The following IFT74 variants were observed in gnomAD, a reference collection of about 807,000 sequenced individuals.
IFT74 encodes the protein intraflagellar transport 74.
IFT74 carries 92 observed loss-of-function variants against 96.7 expected under a neutral mutation model. The observed-to-expected ratio is 0.95, with a 90% CI of 0.80 to 1.13. IFT74 has a LOEUF of 1.13. IFT74 is among the 50% of genes most tolerant of loss of function. The pLI is 0.00. For missense variants in IFT74, 811 were observed against 698.2 expected (o/e 1.16, Z -1.82); for synonymous variants, 223 against 213.2 (o/e 1.05, Z -0.40).
At chr9:27,048,333 T>C (rs1819782592) in intron 16 of IFT74, 59 bp downstream of exon 16, 4 of 1,177,136 alleles carry the variant, frequency 3.4e-6, no homozygotes, top group Non-Finnish European at 4.7e-6. Context: ...AATGTTATTC[T>C]CTGATTATTT....
intron 8 of IFT74, among the ~76,000 whole-genome samples, chr9:26,991,545 A>G (rs1172716592): frequency 6.6e-6 from 1 of 152,142 alleles, no homozygotes; most frequent in Non-Finnish European, 1.5e-5. Context: ...CTGCTGCTGT[A>G]AAGTGGTATC....
intron 16 of IFT74, among the ~76,000 whole-genome samples, chr9:27,053,928 T>G (rs951625157): frequency 2.0e-5 from 3 of 152,220 alleles, no homozygotes; most frequent in Non-Finnish European, 2.9e-5. Context: ...GAGATAAGAA[T>G]CCAACAAAAC....
intron 12 of IFT74, among the ~76,000 whole-genome samples, chr9:27,021,134 T>TATATATATGTATGTATATGTATAA (rs1186042692): frequency 6.6e-6 from 1 of 152,082 alleles, no homozygotes; most frequent in African/African-American, 2.4e-5. Flanking sequence ...AGAATAAACA[T>TATATATATGTATGTATATGTATAA]ATATATATGT....
chr9:27,015,834 A>G (rs1055660635), intron 10 of IFT74, among the ~76,000 whole-genome samples: 1 of 152,224 alleles, frequency 6.6e-6, no homozygotes, highest in Non-Finnish European at 1.5e-5. Flanking sequence ...TGGATAGTAG[A>G]GATAGCATAT....
At position 27,005,361 on chromosome 9, in the gene IFT74, GCC is replaced by G. The variant is rs916556296; in HGVS notation, c.588-3654_588-3653del. 2.2e-3 allele frequency among the ~76,000 whole-genome samples: 55 copies of G among 25,292 alleles called. 8 individuals are homozygous for G. The highest frequency in any genetic ancestry group is 7.5e-3 in the African/African-American group (55 of 7,366). The allele number at this position is 25,292 out of a possible 152,430, so 16.6% of individuals were successfully genotyped here. A position where few individuals can be genotyped will look rare whatever the true frequency, so the allele number is the denominator to read the frequency against. On this transcript the variant is annotated intron_variant, in intron 8 of 19. Coordinates refer to ENST00000380062, the MANE Select transcript of IFT74 (RefSeq NM_025103.4). ...GCTAGATGAAACCATTTCCCCCCCC[GCC>G]CCCCGCAAAACAATTACTTAGTATT...
chr9:27,036,928 G>C (rs1024378115), intron 13 of IFT74: 1 of 691,068 alleles, frequency 1.4e-6, no homozygotes. Flanking sequence ...TAAAATGCTT[G>C]CAGAGACTGG....
chr9:27,007,214 A>G (rs1003525164), intron 8 of IFT74, among the ~76,000 whole-genome samples: 2 of 152,154 alleles, frequency 1.3e-5, no homozygotes, highest in Admixed American at 6.5e-5. Flanking sequence ...TCAAAGCATC[A>G]AAAAGACCTT....
intron 8 of IFT74, among the ~76,000 whole-genome samples, chr9:27,005,109 C>T (rs1828699472): frequency 6.6e-6 from 1 of 151,850 alleles, no homozygotes; most frequent in African/African-American, 2.4e-5. Flanking sequence ...AACTTTGTTT[C>T]CTTATTTAAC....
At chr9:26,995,505 C>T in intron 8 of IFT74, 3 of 1,470,384 alleles carry the variant, frequency 2.0e-6, no homozygotes, top group Non-Finnish European at 1.8e-6. Context: ...CTTTAAAAAG[C>T]AAACTTTGAA....
At chr9:27,041,106 C>T (rs1340024272) in intron 13 of IFT74, among the ~76,000 whole-genome samples, 3 of 152,128 alleles carry the variant, frequency 2.0e-5, no homozygotes, top group Admixed American at 1.3e-4. Context: ...TTTCTTCTTT[C>T]CTACTTGAGG....
intron 3 of IFT74, 65 bp downstream of exon 3, chr9:26,978,328 C>A: frequency 2.0e-6 from 3 of 1,519,740 alleles, no homozygotes; most frequent in Admixed American, 4.5e-5. Context: ...TAACTGTGAA[C>A]AATTTAAAAA....
chr9:27,050,496 A>G (rs192563249), intron 16 of IFT74, among the ~76,000 whole-genome samples: 16 of 152,210 alleles, frequency 1.1e-4, no homozygotes, highest in Non-Finnish European at 1.5e-4. Context: ...AAAAATTTGT[A>G]TGGGATCTTT....
At position 27,060,524 on chromosome 9, in the gene IFT74, C is replaced by T. The variant is rs900453323; in HGVS notation, c.1624-67C>T. 3.0e-5 allele frequency: 31 copies of T among 1,018,808 alleles called. No individual in the cohort carries two copies. The East Asian group carries it at 3.1e-4, about 10-fold the overall frequency. The allele number at this position is 1,018,808 out of a possible 1,614,324, so 63.1% of individuals were successfully genotyped here. A position where few individuals can be genotyped will look rare whatever the true frequency, so the allele number is the denominator to read the frequency against. On this transcript the variant is annotated intron_variant, in intron 18 of 19. Transcript: ENST00000380062. Reference sequence around the variant, plus strand: ...TTGGAGAGATTTTTTTTGTCTTATCCTCTTAGAAAGGCATTTAATTGTTTT... The same window carrying T: ...TTGGAGAGATTTTTTTTGTCTTATCTTCTTAGAAAGGCATTTAATTGTTTT...
intron 8 of IFT74, chr9:26,994,278 C>CAT (rs1828026523): frequency 6.6e-6 from 1 of 152,090 alleles, no homozygotes; most frequent in Admixed American, 6.6e-5. Context: ...GTGCTCCATG[C>CAT]CTGTAATCCC....
chr9:26,969,736 G>T (rs1355819328), intron 2 of IFT74, among the ~76,000 whole-genome samples: 1 of 151,832 alleles, frequency 6.6e-6, no homozygotes, highest in African/African-American at 2.4e-5. Context: ...CTTTGTGATT[G>T]TTCTATAAGA....
chr9:26,988,815 C>A lies in IFT74; in HGVS notation c.525+87C>A. The A allele has an allele frequency of 2.5e-6, 3 of 1,213,888 alleles. No homozygotes were observed. In the South Asian group the frequency reaches 4.9e-5, roughly 20 times the overall value. 75.2% of individuals were successfully genotyped at this position (1,213,888 alleles called of 1,614,324 possible). ...TATATCTAGAAATAGTTTGATAAAA[C>A]CTTAAGTGCTATAGAGGTGAATATT... On this transcript the variant is annotated intron_variant, in intron 7 of 19. Coordinates refer to ENST00000380062, the MANE Select transcript of IFT74 (RefSeq NM_025103.4).
upstream of IFT74, among the ~76,000 whole-genome samples, chr9:26,954,059 CTTTCACATTGGACTA>C (rs369848664): frequency 3.3e-5 from 5 of 152,286 alleles, no homozygotes; most frequent in East Asian, 9.6e-4. Flanking sequence ...GGTTGAATTC[CTTTCACATTGGACTA>C]TTTTCCCTAT....
chr9:27,035,642 A>G (rs1257683496), intron 13 of IFT74, among the ~76,000 whole-genome samples: 1 of 152,232 alleles, frequency 6.6e-6, no homozygotes, highest in Admixed American at 6.5e-5. Flanking sequence ...ATTAAGGACC[A>G]TATGTTTAGT....
rs963078215 is a variant in IFT74 at position 27,065,698 on chromosome 9, G to T, written c.*2962G>T. Among the ~76,000 whole-genome samples, 2 of 152,122 alleles carry T rather than the reference G, an allele frequency of 1.3e-5. No homozygotes were observed. The highest frequency in any genetic ancestry group is 2.9e-5 in the Non-Finnish European group (2 of 68,012). On this transcript the variant is annotated 3_prime_UTR_variant, in exon 20 of 20. Coordinates refer to ENST00000380062, the MANE Select transcript of IFT74 (RefSeq NM_025103.4). ...AGGCCAGTTAGTAGTAGTTCCAGGG[G>T]TTTTTGCTGTTCCCTTGCTCAGTTT...
Sources: gnomAD v4.1 joint callset for allele counts (sites outside exome capture counted in the v4.1 genomes callset) on GRCh38, gnomAD v4.1.1 for gene constraint, MANE v1.5 for transcripts, NCBI Gene and HGNC (gene_info 2026-07-23, HGNC 2026-07-21) for gene names.